RANBP17: variants seen among roughly 807,000 people sequenced by gnomAD.
RANBP17 encodes the protein ran-binding protein 17.
Under a neutral mutation model 141.2 loss-of-function variants are expected in RANBP17, and 158 were observed. The observed-to-expected ratio is 1.12, with a 90% CI of 0.98 to 1.28. RANBP17 has a LOEUF of 1.28. Among genes scored for constraint, RANBP17 ranks in the 50% most tolerant of loss-of-function variants. The pLI is 0.00. For missense variants in RANBP17, 1,438 were observed against 1,290.7 expected (o/e 1.11, Z -1.75); for synonymous variants, 430 against 450.0 (o/e 0.96, Z 0.56).
chr5:170,899,667 G>A (rs1187781984), intron 5 of RANBP17, among the ~76,000 whole-genome samples: 3 of 152,136 alleles, frequency 2.0e-5, no homozygotes, highest in African/African-American at 7.2e-5. Context: ...GTCATAAATA[G>A]CTCTTATTAT....
In RANBP17 at chr5:171,170,802, A is replaced by AG. The variant is rs1292943088; in HGVS notation, c.1785-403dup. 2.0e-5 allele frequency among the ~76,000 whole-genome samples: 3 copies of AG among 152,238 alleles called. No homozygotes were observed. The East Asian group carries it at 5.8e-4, about 29-fold the overall frequency. On this transcript the variant is annotated intron_variant, in intron 15 of 27. Coordinates refer to ENST00000523189, the MANE Select transcript of RANBP17 (RefSeq NM_022897.5). The stretch of plus-strand genomic sequence containing the variant: ...TTGCAGACAGCAAAGTTAGATAAAC[A>AG]GTCGTGATCATAAGAAGTGAGTTTT...
chr5:171,005,166 G>A (rs1779504838), intron 14 of RANBP17, among the ~76,000 whole-genome samples: 1 of 152,084 alleles, frequency 6.6e-6, no homozygotes, highest in Admixed American at 6.5e-5. Flanking sequence ...TGGCCATACT[G>A]CCCAAGGTAA....
chr5:170,865,494 A>G (rs542810533), intron 1 of RANBP17, among the ~76,000 whole-genome samples: 29 of 152,310 alleles, frequency 1.9e-4, no homozygotes, highest in African/African-American at 7.0e-4. Context: ...GAACCATGAC[A>G]TTTCTAAGAC....
chr5:171,057,134 C>A (rs765823885), intron 14 of RANBP17, among the ~76,000 whole-genome samples: 3 of 152,050 alleles, frequency 2.0e-5, no homozygotes, highest in South Asian at 2.1e-4. Context: ...AAGAGCAGAT[C>A]CATGCTCTAA....
intron 12 of RANBP17, among the ~76,000 whole-genome samples, chr5:170,936,017 G>A (rs1007785579): frequency 3.3e-5 from 5 of 152,148 alleles, no homozygotes; most frequent in African/African-American, 1.2e-4. Flanking sequence ...CCCCAGCCTC[G>A]CTGCCGCCTT....
chr5:171,224,869 CCT>C (rs1257238200), intron 22 of RANBP17, among the ~76,000 whole-genome samples: 1 of 152,036 alleles, frequency 6.6e-6, no homozygotes, highest in Non-Finnish European at 1.5e-5. Context: ...CATACATTAC[CCT>C]GTTGAATCCT....
intron 22 of RANBP17, among the ~76,000 whole-genome samples, chr5:171,235,060 G>A (rs1450242346): frequency 1.3e-5 from 2 of 152,160 alleles, no homozygotes; most frequent in Non-Finnish European, 2.9e-5. Flanking sequence ...GTGAGAAGGA[G>A]CAAACACTGA....
intron 14 of RANBP17, among the ~76,000 whole-genome samples, chr5:171,044,845 A>G (rs1236155337): frequency 1.3e-5 from 2 of 152,196 alleles, no homozygotes; most frequent in East Asian, 1.9e-4. Flanking sequence ...TAATTAGTCT[A>G]TCCTAGATTG....
intron 14 of RANBP17, among the ~76,000 whole-genome samples, chr5:171,008,695 G>C (rs561618884): frequency 4.6e-5 from 7 of 152,114 alleles, no homozygotes; most frequent in Non-Finnish European, 8.8e-5. Flanking sequence ...CATCAGTTAC[G>C]GTGGGGCAAA....
chr5:170,871,392 T>A (rs1767714253), intron 1 of RANBP17, among the ~76,000 whole-genome samples: 1 of 152,162 alleles, frequency 6.6e-6, no homozygotes, highest in African/African-American at 2.4e-5. Context: ...TTCTTTAAAT[T>A]TGTTTAAGGT....
At chr5:171,239,647 G>T (rs1764740192) in intron 22 of RANBP17, among the ~76,000 whole-genome samples, 1 of 152,126 alleles carries the variant, frequency 6.6e-6, no homozygotes, top group Non-Finnish European at 1.5e-5. Context: ...GCACATTTAG[G>T]TGCTAGAGTG....
rs140270043 is a variant in RANBP17 at position 171,233,783 on chromosome 5, G to A, written c.2423-7145G>A. Among the ~76,000 whole-genome samples, 700 of 152,310 alleles carry A rather than the reference G, an allele frequency of 4.6e-3. 5 individuals are homozygous for A. The highest frequency in any genetic ancestry group is 0.016 in the African/African-American group (667 of 41,562). On this transcript the variant is annotated intron_variant, in intron 22 of 27. Coordinates refer to ENST00000523189, the MANE Select transcript of RANBP17 (RefSeq NM_022897.5). ...GCAGAGCAGAGGATTTGGAGGCATT[G>A]AAACTCTGTGTGATACTATAATGGT...
chr5:171,084,684 G>T (rs1237968611), intron 14 of RANBP17, among the ~76,000 whole-genome samples: 1 of 34,676 alleles, frequency 2.9e-5, no homozygotes, highest in African/African-American at 8.9e-5. Flanking sequence ...TCTCATTGTG[G>T]TTTTGATTTG....
intron 14 of RANBP17, among the ~76,000 whole-genome samples, chr5:171,010,447 G>T (rs186956693): frequency 7.2e-4 from 109 of 152,206 alleles, no homozygotes; most frequent in African/African-American, 2.5e-3. Flanking sequence ...TTGTCTGTAA[G>T]AATAAAATTC....
intron 22 of RANBP17, among the ~76,000 whole-genome samples, chr5:171,225,210 C>T (rs1324549128): frequency 6.6e-6 from 1 of 152,270 alleles, no homozygotes. Context: ...AAGATTTTAC[C>T]ATGGATATTT....
intron 5 of RANBP17, chr5:170,904,006 T>A (rs1262108298): frequency 2.1e-6 from 1 of 483,884 alleles, no homozygotes; most frequent in African/African-American, 2.0e-5. Context: ...GATCAGATGT[T>A]TTCAAATGCC....
At chr5:171,004,802 C>T (rs1436360670) in intron 14 of RANBP17, among the ~76,000 whole-genome samples, 1 of 152,124 alleles carries the variant, frequency 6.6e-6, no homozygotes, top group African/African-American at 2.4e-5. Flanking sequence ...AGGAGGAATC[C>T]CAGGCTGAGG....
intron 14 of RANBP17, among the ~76,000 whole-genome samples, chr5:170,984,481 GC>G (rs1281081777): frequency 6.6e-6 from 1 of 151,944 alleles, no homozygotes; most frequent in Non-Finnish European, 1.5e-5. Context: ...CTAAAAATTA[GC>G]TGGGCATGGT....
intron 14 of RANBP17, among the ~76,000 whole-genome samples, chr5:171,093,789 A>G (rs1317426816): frequency 6.6e-6 from 1 of 152,236 alleles, no homozygotes; most frequent in East Asian, 1.9e-4. Context: ...TGGGCAATAG[A>G]GTAATGCAGA....
Sources: allele counts gnomAD v4.1 joint callset (sites outside exome capture counted in the v4.1 genomes callset), GRCh38; gene constraint gnomAD v4.1.1; transcripts MANE v1.5; gene names NCBI Gene and HGNC (gene_info 2026-07-23, HGNC 2026-07-21).